RRN3: variants seen among roughly 807,000 people sequenced by gnomAD.
RRN3 encodes the protein RNA polymerase I-specific transcription initiation factor RRN3.
RRN3 carries 38 observed loss-of-function variants against 82.3 expected under a neutral mutation model. That is an observed-to-expected ratio of 0.46 (90% CI 0.36 to 0.61). RRN3 has a LOEUF of 0.61. Among genes scored for constraint, RRN3 ranks in the 20% least tolerant of loss-of-function variants. RRN3 has a pLI of 0.00. For synonymous variants in RRN3, 284 were observed against 284.3 expected (o/e 1.00, Z 0.01); for missense variants, 726 against 793.1 (o/e 0.92, Z 1.02).
In RRN3 at chr16:15,086,389, A is replaced by G. The variant is rs757203543; in HGVS notation, c.318T>C (p.Phe106=). 8.1e-6 allele frequency: 13 copies of G among 1,613,706 alleles called. No individual in the cohort carries two copies. Among genetic ancestry groups the G allele is most frequent in the Non-Finnish European group, 1.1e-5 (13 of 1,179,800 alleles). ...CTAATATAATACTGATAAGTTGCTC[A>G]AAGTCTTTTGTCAAGTACATGATAG... The part of the protein sequence containing the change: ...RSSIMYLTKD[F]EQLISIILRL... Residue 106 remains phenylalanine, a synonymous_variant, in exon 4 of 18, where the codon TTT becomes TTC. Transcript: ENST00000198767.
chr16:15,086,225 C>G lies in RRN3; in HGVS notation c.376G>C (p.Val126Leu), dbSNP rs1487000356. 1 of 1,585,312 alleles carries G rather than the reference C, an allele frequency of 6.3e-7. No homozygotes were observed. Among genetic ancestry groups the G allele is most frequent in the Non-Finnish European group, 8.6e-7 (1 of 1,158,320 alleles). ...CCAAGAAAAGCCAAATACTCTTCCA[C>G]TACTGTTTGACTTCTATTCAACCAA... ...LPWLNRSQTV[V>L]EEYLAFLGNL... The change falls in exon 5 of 18, where the codon GTG becomes CTG. Residue 126 changes from valine (V) to leucine (L), a missense_variant. By Grantham distance (32) the Val-to-Leu change is conservative (BLOSUM62 1). Around this residue, in one of 4 missense-constraint regions of RRN3, gnomAD observed 344 missense variants for 394.5 expected, o/e 0.87. Coordinates refer to ENST00000198767, the MANE Select transcript of RRN3 (RefSeq NM_018427.5).
At chr16:15,091,250 A>C (rs2046120050) in intron 3 of RRN3, 65 bp downstream of exon 3, 5 of 1,590,968 alleles carry the variant, frequency 3.1e-6, no homozygotes, top group East Asian at 2.2e-5. Context: ...TGGGACCCAA[A>C]GAGCAAACTA....
At position 15,074,877 on chromosome 16, in the gene RRN3, G is replaced by A. The variant is rs2045385468; in HGVS notation, c.859-16C>T. Reference sequence around the variant, plus strand: ...CATCTTCATCCTTTGAAGACAAAAAGTAAATACTAACATTAAAAAATTCAA... The same window carrying A: ...CATCTTCATCCTTTGAAGACAAAAAATAAATACTAACATTAAAAAATTCAA... On this transcript the variant is annotated splice_polypyrimidine_tract_variant and intron_variant, in intron 10 of 17. Transcript: ENST00000198767. 6.3e-7 allele frequency: 1 copy of A among 1,597,334 alleles called. No individual in the cohort carries two copies. The highest frequency in any genetic ancestry group is 8.5e-7 in the Non-Finnish European group (1 of 1,171,936).
rs746587312 is a variant in RRN3, at chr16:15,065,282, G to A, written c.1643C>T (p.Ser548Leu). The change falls in exon 16 of 18, where the codon TCA (serine) becomes TTA (leucine). Residue 548 changes from serine to leucine, a missense_variant. Physicochemically the swap from Ser to Leu is moderately radical, Grantham distance 145 (BLOSUM62 -2). Transcript: ENST00000198767. The part of the protein sequence containing the change: ...PVIRSTAGGD[S>L]VQICTNPLDT... ...CAGCGGGTTTGTGCAGATCTGCACT[G>A]AGTCTCCTCCAGCGGTACTCCTAAT... 1 of 1,613,714 alleles carries A rather than the reference G, an allele frequency of 6.2e-7. No homozygotes were observed. The highest frequency in any genetic ancestry group is 1.1e-5 in the South Asian group (1 of 91,078).
intron 14 of RRN3, among the ~76,000 whole-genome samples, chr16:15,069,377 A>T (rs2045125187): frequency 6.6e-6 from 1 of 152,192 alleles, no homozygotes. Flanking sequence ...GACCCACAAA[A>T]CCATAAGAAT....
At position 15,061,650 on chromosome 16, in the gene RRN3, T is replaced by C; in HGVS notation, c.*94A>G. On this transcript the variant is annotated 3_prime_UTR_variant, in exon 18 of 18. Coordinates refer to ENST00000198767, the MANE Select transcript of RRN3 (RefSeq NM_018427.5). ...GAGGCAGGCACTCGCTCTAGTTCAA[T>C]GCCATCAATGCCCAATGGCACAAGC... is the stretch of plus-strand genomic sequence containing the variant. The C allele has an allele frequency of 3.2e-6, 4 of 1,245,060 alleles. No individual in the cohort carries two copies. The highest frequency in any genetic ancestry group is 1.4e-5 in the South Asian group (1 of 70,924). 77.1% of individuals were successfully genotyped at this position (1,245,060 alleles called of 1,614,324 possible).
Position 15,092,571 on chromosome 16 carries a change from G to A in RRN3, c.133C>T (p.Pro45Ser), listed in dbSNP as rs770804997. The stretch of plus-strand genomic sequence containing the variant: ...CCAAACCGAACAGTTTTTCTTGGGG[G>A]AGAATTGAAAAAGTCATTCTCTAAT... ...RALENDFFNS[P>S]PRKTVRFGGT... is the part of the protein sequence containing the mutation. Residue 45 changes from proline to serine, a missense_variant, in exon 2 of 18, where the codon CCC becomes TCC. By Grantham distance (74) the Pro-to-Ser change is moderately conservative. Around this residue, in one of 4 missense-constraint regions of RRN3, gnomAD observed 135 missense variants for 87.4 expected, o/e 1.55. Transcript: ENST00000198767. 6.2e-7 allele frequency: 1 copy of A among 1,613,496 alleles called. No individual in the cohort carries two copies. Among genetic ancestry groups the A allele is most frequent in the South Asian group, 1.1e-5 (1 of 91,036 alleles).
At chr16:15,075,427 G>C (rs1471032200) in intron 10 of RRN3, among the ~76,000 whole-genome samples, 2 of 151,900 alleles carry the variant, frequency 1.3e-5, no homozygotes, top group Non-Finnish European at 2.9e-5. Context: ...AAAAAAAGTA[G>C]CTGGGTGCGG....
intron 12 of RRN3, among the ~76,000 whole-genome samples, chr16:15,072,103 A>C (rs2045257644): frequency 6.6e-6 from 1 of 152,100 alleles, no homozygotes; most frequent in Admixed American, 6.5e-5. Flanking sequence ...ACTTCTCCTA[A>C]ATAGCGCTGT....
In RRN3 at chr16:15,092,561, T is replaced by A; in HGVS notation, c.143A>T (p.Lys48Ile). 1 of 1,613,754 alleles carries A rather than the reference T, an allele frequency of 6.2e-7. No individual in the cohort carries two copies. Among genetic ancestry groups the A allele is most frequent in the Non-Finnish European group, 8.5e-7 (1 of 1,179,680 alleles). Residue 48 changes from lysine (K) to isoleucine (I), a missense_variant, in exon 2 of 18, where the codon AAA becomes ATA. Coordinates refer to ENST00000198767, the MANE Select transcript of RRN3 (RefSeq NM_018427.5). ...CACAGTTCCACCAAACCGAACAGTT[T>A]TTCTTGGGGGAGAATTGAAAAAGTC... ...ENDFFNSPPR[K>I]TVRFGGTVTE... is the part of the protein sequence containing the mutation.
chr16:15,072,858 A>T, intron 12 of RRN3, 92 bp downstream of exon 12: 2 of 1,258,352 alleles, frequency 1.6e-6, no homozygotes, highest in Non-Finnish European at 2.3e-6. Context: ...AGAATTATTT[A>T]CTTCATGGTC....
chr16:15,066,360 C>T (rs555578396), intron 15 of RRN3, among the ~76,000 whole-genome samples: 12 of 152,232 alleles, frequency 7.9e-5, no homozygotes, highest in East Asian at 1.9e-4. Flanking sequence ...CGGCTGGGCA[C>T]GGTGGCTCAC....
intron 9 of RRN3, among the ~76,000 whole-genome samples, chr16:15,078,338 T>C (rs928789621): frequency 2.0e-5 from 3 of 152,120 alleles, no homozygotes; most frequent in African/African-American, 7.2e-5. Flanking sequence ...TCTCCACTCC[T>C]AAACCACGCC....
chr16:15,088,649 C>T (rs568596663), intron 3 of RRN3, among the ~76,000 whole-genome samples: 2 of 152,138 alleles, frequency 1.3e-5, no homozygotes, highest in East Asian at 3.9e-4. Flanking sequence ...GATGCTTCAG[C>T]TGTCTTTAAA....
At chr16:15,082,537 G>C (rs1284739238) in intron 8 of RRN3, among the ~76,000 whole-genome samples, 1 of 151,876 alleles carries the variant, frequency 6.6e-6, no homozygotes, top group Non-Finnish European at 1.5e-5. Context: ...GCGGGGTGTG[G>C]TGCCCCATGT....
At chr16:15,064,300 C>T (rs1360182148) in intron 16 of RRN3, among the ~76,000 whole-genome samples, 4 of 152,058 alleles carry the variant, frequency 2.6e-5, no homozygotes, top group South Asian at 2.1e-4. Flanking sequence ...CTCAGCCTCC[C>T]GAGTAGCTGG....
intron 11 of RRN3, among the ~76,000 whole-genome samples, 169 bp from the exon 12 acceptor site, chr16:15,073,249 G>A (rs569793809): frequency 2.0e-5 from 3 of 152,140 alleles, no homozygotes; most frequent in African/African-American, 4.8e-5. Context: ...GAGGGAGCCC[G>A]GGAGTTCAAG....
chr16:15,090,634 G>A (rs1031525155), intron 3 of RRN3, among the ~76,000 whole-genome samples: 1 of 152,110 alleles, frequency 6.6e-6, no homozygotes, highest in Non-Finnish European at 1.5e-5. Context: ...AATCTCTATT[G>A]TTTTCTTGGT....
chr16:15,063,179 A>G lies in RRN3; in HGVS notation c.1794+17T>C, dbSNP rs1187768928. ...AAAGGAGATTCCGAGAGTGTGCTCA[A>G]TCAATCACAAACTGACCTTTTTCAT... is the stretch of plus-strand genomic sequence containing the variant. On this transcript the variant is annotated intron_variant, in intron 17 of 17. Transcript: ENST00000198767. The G allele has an allele frequency of 6.5e-6, 10 of 1,528,670 alleles. No homozygotes were observed. The highest frequency in any genetic ancestry group is 8.2e-6 in the Non-Finnish European group (9 of 1,102,078). The allele number at this position is 1,528,670 out of a possible 1,614,324, so 94.7% of individuals were successfully genotyped here.
Sources: gnomAD v4.1 joint callset for allele counts (sites outside exome capture counted in the v4.1 genomes callset) on GRCh38, gnomAD v4.1.1 for gene constraint, gnomAD v4.1.1 regional missense constraint, MANE v1.5 for transcripts, NCBI Gene and HGNC (gene_info 2026-07-23, HGNC 2026-07-21) for gene names.